The following DOCK3 variants were observed in gnomAD, a reference collection of about 807,000 sequenced individuals.
The protein encoded by DOCK3 is dedicator of cytokinesis 3.
DOCK3 carries 60 observed loss-of-function variants against 265.6 expected under a neutral mutation model. That is an observed-to-expected ratio of 0.23 (90% CI 0.18 to 0.28). The LOEUF (loss-of-function observed/expected upper bound fraction) is 0.28, where lower values mean the gene tolerates loss of function less well. Ranked by LOEUF, DOCK3 falls within the 10% of genes least tolerant of loss-of-function variation. The pLI is 1.00. For missense variants in DOCK3, 1,981 were observed against 2,594.3 expected (o/e 0.76, Z 5.14); for synonymous variants, 881 against 938.0 (o/e 0.94, Z 1.11).
rs372188097 is a variant in DOCK3 at position 51,381,382 on chromosome 3, G to A, written c.5916G>A (p.Ala1972=). ...VIPQDPMDPP[A]LPPKPYHPRL... The stretch of plus-strand genomic sequence containing the variant: ...CTCAGGACCCCATGGACCCGCCTGC[G>A]CTGCCGCCCAAGCCCTACCACCCCC... Residue 1972 remains alanine (A), a synonymous_variant, in exon 53 of 53, where the codon GCG becomes GCA. Transcript: ENST00000266037. This position sits in a 1 kb window ranked among gnomAD's most constrained non-coding sequence, Gnocchi z 5.6. 1.5e-5 allele frequency: 24 copies of A among 1,612,536 alleles called. No individual in the cohort carries two copies. Among genetic ancestry groups the A allele is most frequent in the East Asian group, 2.2e-5 (1 of 44,892 alleles).
At chr3:51,048,185 TAA>T (rs55800035) in intron 5 of DOCK3, among the ~76,000 whole-genome samples, 20 of 149,446 alleles carry the variant, frequency 1.3e-4, no homozygotes, top group Middle Eastern at 3.5e-3. Context: ...CCTTTCATGA[TAA>T]AAAAAAAAAA....
chr3:51,061,574 A>T (rs2081411414), intron 5 of DOCK3, among the ~76,000 whole-genome samples: 2 of 149,136 alleles, frequency 1.3e-5, no homozygotes, highest in South Asian at 2.2e-4. Context: ...GGGTGGGGAG[A>T]GGGGGGAGGG....
At chr3:51,319,412 A>C (rs1308867153) in intron 32 of DOCK3, among the ~76,000 whole-genome samples, 7 of 151,456 alleles carry the variant, frequency 4.6e-5, no homozygotes, top group Non-Finnish European at 1.0e-4. Context: ...AAAAAAAAAA[A>C]ACCCAGTTAC....
intron 2 of DOCK3, among the ~76,000 whole-genome samples, chr3:50,794,925 G>GTT (rs2042686535): frequency 6.6e-6 from 1 of 152,136 alleles, no homozygotes; most frequent in African/African-American, 2.4e-5. Flanking sequence ...GCGGGTCTGA[G>GTT]GGTAACGAAT....
At chr3:51,136,587 T>G (rs2084815041) in intron 9 of DOCK3, among the ~76,000 whole-genome samples, 1 of 152,112 alleles carries the variant, frequency 6.6e-6, no homozygotes, top group African/African-American at 2.4e-5. Flanking sequence ...CGTGGTGCAA[T>G]TTGTGGTTTA....
Position 51,233,390 on chromosome 3 carries a change from G to A in DOCK3, c.1918-2955G>A, listed in dbSNP as rs371595085. ...TTTATTTATTTATTTATTTGAGATG[G>A]AGTCTTCCTCTGTTGCCCAGGCTGG... is the stretch of plus-strand genomic sequence containing the variant. On this transcript the variant is annotated intron_variant, in intron 19 of 52. Transcript: ENST00000266037. Among the ~76,000 whole-genome samples the A allele has an allele frequency of 1.5e-4, 23 of 150,222 alleles. No individual in the cohort carries two copies. In the East Asian group the frequency reaches 2.3e-3, roughly 15 times the overall value.
At chr3:51,340,143 A>G (rs994939152) in intron 37 of DOCK3, among the ~76,000 whole-genome samples, 1 of 152,228 alleles carries the variant, frequency 6.6e-6, no homozygotes, top group African/African-American at 2.4e-5. Flanking sequence ...ATGTATCAGT[A>G]GAAGCATTTG....
intron 37 of DOCK3, among the ~76,000 whole-genome samples, chr3:51,339,933 G>A (rs1194648401): frequency 1.3e-5 from 2 of 152,196 alleles, no homozygotes; most frequent in Admixed American, 1.3e-4. Context: ...GTTAGAGAGT[G>A]TTTGGCATAG....
chr3:50,710,444 T>G (rs2036685256), intron 1 of DOCK3, among the ~76,000 whole-genome samples: 1 of 151,820 alleles, frequency 6.6e-6, no homozygotes, highest in Non-Finnish European at 1.5e-5. Flanking sequence ...GAAATGCAAA[T>G]CAAAACTACA....
At chr3:50,894,296 A>G (rs1198266895) in intron 4 of DOCK3, among the ~76,000 whole-genome samples, 2 of 152,052 alleles carry the variant, frequency 1.3e-5, no homozygotes, top group African/African-American at 4.8e-5. Context: ...CTTGTAGGCC[A>G]GAAGGGAGCA....
chr3:51,013,427 G>C (rs1417837102), intron 5 of DOCK3, among the ~76,000 whole-genome samples: 1 of 152,192 alleles, frequency 6.6e-6, no homozygotes, highest in Non-Finnish European at 1.5e-5. Context: ...AGGTCTGTTG[G>C]AGTTTTTTGG....
At chr3:51,099,291 A>C (rs1177815059) in intron 9 of DOCK3, among the ~76,000 whole-genome samples, 1 of 152,216 alleles carries the variant, frequency 6.6e-6, no homozygotes, top group Non-Finnish European at 1.5e-5. Flanking sequence ...GCCTGTGGTT[A>C]AACCTGCCTT....
At chr3:51,071,211 A>G (rs1310034788) in intron 6 of DOCK3, among the ~76,000 whole-genome samples, 2 of 152,200 alleles carry the variant, frequency 1.3e-5, no homozygotes, top group Non-Finnish European at 2.9e-5. Context: ...GGTCAGGATT[A>G]TGTCCCTTAT....
intron 41 of DOCK3, among the ~76,000 whole-genome samples, 157 bp downstream of exon 41, chr3:51,355,180 C>G (rs940214452): frequency 1.3e-5 from 2 of 152,200 alleles, no homozygotes; most frequent in African/African-American, 4.8e-5. Context: ...ACACACTTAG[C>G]AAGGCACTAA....
intron 27 of DOCK3, among the ~76,000 whole-genome samples, chr3:51,305,733 C>CGTGTGT (rs202005379): frequency 0.62 from 83,225 of 135,166 alleles, 25,329 homozygotes; most frequent in Middle Eastern, 0.75. Context: ...TGTGTGTGTG[C>CGTGTGT]GCGTGTGTGT....
At chr3:51,045,895 A>G (rs2080758303) in intron 5 of DOCK3, among the ~76,000 whole-genome samples, 1 of 152,084 alleles carries the variant, frequency 6.6e-6, no homozygotes, top group Non-Finnish European at 1.5e-5. Context: ...TTATTTTGAG[A>G]TAATTATAGA....
Position 51,330,203 on chromosome 3 carries a change from C to T in DOCK3, c.3468C>T (p.Tyr1156=). Residue 1156 remains tyrosine (Y), a synonymous_variant, in exon 33 of 53, where the codon TAC becomes TAT. Coordinates refer to ENST00000266037, the MANE Select transcript of DOCK3 (RefSeq NM_004947.5). ...CAGAAGGGAAAGGTGACGAGAGCTA[C>T]AGGGAGCTCTTCAGCCTACTGTAAG... ...MVSEGKGDES[Y]RELFSLLTQL... 6.2e-7 allele frequency: 1 copy of T among 1,601,444 alleles called. No individual in the cohort carries two copies. The highest frequency in any genetic ancestry group is 1.7e-4 in the Middle Eastern group (1 of 6,046).
intron 1 of DOCK3, among the ~76,000 whole-genome samples, chr3:50,682,176 A>G (rs1015473534): frequency 4.6e-5 from 7 of 152,190 alleles, no homozygotes; most frequent in African/African-American, 1.2e-4. Flanking sequence ...GCTAGCATTC[A>G]TGGTTTATCA....
chr3:50,808,870 T>C (rs1432663653), intron 2 of DOCK3, among the ~76,000 whole-genome samples: 1 of 152,164 alleles, frequency 6.6e-6, no homozygotes, highest in African/African-American at 2.4e-5. Context: ...AAATTGAAAA[T>C]GATGGCCTAT....
Sources: gnomAD v4.1 joint callset for allele counts (sites outside exome capture counted in the v4.1 genomes callset) on GRCh38, gnomAD v4.1.1 for gene constraint, Gnocchi (gnomAD v3.1) non-coding constraint, MANE v1.5 for transcripts, NCBI Gene and HGNC (gene_info 2026-07-23, HGNC 2026-07-21) for gene names.